The following OMA1 variants were observed in gnomAD, a reference collection of about 807,000 sequenced individuals.
OMA1 encodes metalloendopeptidase OMA1, mitochondrial.
A neutral mutation model predicts 30.9 loss-of-function variants in OMA1; 38 were observed. The observed-to-expected ratio is 1.23, with a 90% CI of 0.95 to 1.61. OMA1 has a LOEUF of 1.61. Among genes scored for constraint, OMA1 ranks in the 40% most tolerant of loss-of-function variants. The probability of loss-of-function intolerance (pLI) is 0.00; values close to 1 mark genes in which losing one functional copy is unlikely to be tolerated. For missense variants in OMA1, 461 were observed against 349.2 expected (o/e 1.32, Z -2.55); for synonymous variants, 173 against 121.9 (o/e 1.42, Z -2.76).
chr1:58,538,769 G>A (rs1646558061), intron 2 of OMA1, 26 bp downstream of exon 2: 1 of 727,392 alleles, frequency 1.4e-6, no homozygotes, highest in Non-Finnish European at 2.3e-6. Context: ...TAATATAAAA[G>A]TTTTTATTCT....
At chr1:58,487,504 C>T (rs1645595454) in intron 8 of OMA1, among the ~76,000 whole-genome samples, 1 of 152,134 alleles carries the variant, frequency 6.6e-6, no homozygotes, top group Non-Finnish European at 1.5e-5. Context: ...TAATAACATA[C>T]CTTTCTACAT....
chr1:58,530,046 A>G (rs1272587000), intron 6 of OMA1, among the ~76,000 whole-genome samples: 1 of 152,032 alleles, frequency 6.6e-6, no homozygotes, highest in Non-Finnish European at 1.5e-5. Flanking sequence ...ACGCCAGGCT[A>G]ATTTTTTTGT....
chr1:58,489,066 A>G (rs1645627800), intron 8 of OMA1, among the ~76,000 whole-genome samples: 1 of 152,220 alleles, frequency 6.6e-6, no homozygotes, highest in Non-Finnish European at 1.5e-5. Flanking sequence ...TACTGGGTGC[A>G]TCTCACTGGG....
At chr1:58,543,793 A>T (rs1473908258) in intron 1 of OMA1, among the ~76,000 whole-genome samples, 1 of 152,252 alleles carries the variant, frequency 6.6e-6, no homozygotes, top group Non-Finnish European at 1.5e-5. Context: ...TGTATAACAG[A>T]GGTGGCAAAC....
intron 5 of OMA1, among the ~76,000 whole-genome samples, chr1:58,532,480 T>C (rs1268682332): frequency 6.6e-6 from 1 of 152,246 alleles, no homozygotes; most frequent in Non-Finnish European, 1.5e-5. Flanking sequence ...ATAATAACAC[T>C]GCTTAGACGT....
intron 5 of OMA1, among the ~76,000 whole-genome samples, chr1:58,532,956 T>G (rs1370184408): frequency 6.6e-6 from 1 of 152,246 alleles, no homozygotes; most frequent in East Asian, 1.9e-4. Flanking sequence ...GAATTTGAGA[T>G]TACTCTTAGA....
chr1:58,524,906 G>A (rs776465956), intron 7 of OMA1, among the ~76,000 whole-genome samples: 2 of 152,214 alleles, frequency 1.3e-5, no homozygotes, highest in Non-Finnish European at 2.9e-5. Flanking sequence ...CTCACATGGA[G>A]ATGATTAGTG....
rs1587754 is a variant in OMA1, at chr1:58,511,276, C to T, written c.1216-5067G>A. Among the ~76,000 whole-genome samples the T allele has an allele frequency of 7.8e-3, 1,187 of 152,136 alleles. 21 individuals carry two copies. The highest frequency in any genetic ancestry group is 0.027 in the African/African-American group (1,135 of 41,506). On this transcript the variant is annotated intron_variant, in intron 7 of 8. Transcript: ENST00000371226. ...AGTATAGTATTAGCAGAAAGATAACCGTTAAATGAATGGAACAGAAGAGAG... is the reference window on the plus strand; with the variant it reads ...AGTATAGTATTAGCAGAAAGATAACTGTTAAATGAATGGAACAGAAGAGAG...
intron 7 of OMA1, 121 bp from the exon 8 acceptor site, chr1:58,506,330 A>G: frequency 1.7e-6 from 1 of 597,546 alleles, no homozygotes; most frequent in Non-Finnish European, 2.9e-6. Flanking sequence ...GTACATGTGC[A>G]CAACGTGCAG....
intron 1 of OMA1, among the ~76,000 whole-genome samples, chr1:58,541,329 A>C (rs1240108795): frequency 8.0e-5 from 11 of 137,048 alleles, no homozygotes; most frequent in East Asian, 6.2e-4. Flanking sequence ...AAAAAAAAAA[A>C]AAAACAGGAA....
intron 8 of OMA1, among the ~76,000 whole-genome samples, chr1:58,501,411 T>G (rs537987206): frequency 1.2e-4 from 18 of 152,296 alleles, no homozygotes; most frequent in African/African-American, 4.1e-4. Context: ...TAAGTGACCT[T>G]GTCACTCCTC....
In OMA1 at chr1:58,527,329, A is replaced by C. The variant is rs771437585; in HGVS notation, c.1147T>G (p.Phe383Val). The change falls in exon 7 of 9, where the codon TTT (phenylalanine) becomes GTT (valine). Residue 383 changes from phenylalanine (F) to valine (V), a missense_variant. Physicochemically the swap from Phe to Val is conservative, Grantham distance 50. Coordinates refer to ENST00000371226, the MANE Select transcript of OMA1 (RefSeq NM_145243.5). Reference sequence around the variant, plus strand: ...AATTTTCTGCTGTATGGTCTATTAAACATATACTAAGAAGAAATGACAGAA... The same window carrying C: ...AATTTTCTGCTGTATGGTCTATTAACCATATACTAAGAAGAAATGACAGAA... ...WIQSKLQEYMFNRPYSRKLEA... is the reference protein window; with the variant it reads ...WIQSKLQEYMVNRPYSRKLEA... 32 of 871,930 alleles carry C rather than the reference A, an allele frequency of 3.7e-5. No homozygotes were observed. The highest frequency in any genetic ancestry group is 8.5e-5 in the Admixed American group (5 of 59,156). The allele number at this position is 871,930 out of a possible 1,614,324, so 54.0% of individuals were successfully genotyped here.
chr1:58,490,795 C>CTTT (rs148145860), intron 8 of OMA1, among the ~76,000 whole-genome samples: 770 of 59,280 alleles, frequency 0.013, 113 homozygotes, highest in African/African-American at 0.015. Context: ...AGTCAACATT[C>CTTT]TTTTTTTTTT....
intron 8 of OMA1, among the ~76,000 whole-genome samples, chr1:58,485,813 TAAC>T (rs995276099): frequency 6.6e-6 from 1 of 152,186 alleles, no homozygotes; most frequent in African/African-American, 2.4e-5. Flanking sequence ...AACAGGCACT[TAAC>T]AAACGCATGC....
chr1:58,496,428 CTTCTATGT>C (rs1229882052), intron 8 of OMA1, among the ~76,000 whole-genome samples: 1 of 152,182 alleles, frequency 6.6e-6, no homozygotes, highest in Non-Finnish European at 1.5e-5. Context: ...GGTGGCACTG[CTTCTATGT>C]TCTTGCCGCC....
chr1:58,506,629 A>T (rs2100417975), intron 7 of OMA1, among the ~76,000 whole-genome samples: 1 of 152,344 alleles, frequency 6.6e-6, no homozygotes, highest in East Asian at 1.9e-4. Context: ...GATGGATATT[A>T]AGAACATGTA....
At chr1:58,494,973 T>C (rs1233298336) in intron 8 of OMA1, among the ~76,000 whole-genome samples, 2 of 152,214 alleles carry the variant, frequency 1.3e-5, no homozygotes, top group Non-Finnish European at 2.9e-5. Flanking sequence ...TGCACACGTA[T>C]GTTTATTGCA....
chr1:58,490,931 G>A (rs1485040863), intron 8 of OMA1, among the ~76,000 whole-genome samples: 4 of 143,186 alleles, frequency 2.8e-5, no homozygotes, highest in African/African-American at 7.7e-5. Flanking sequence ...TCAGCCTTCC[G>A]AGTAGCTGGG....
intron 8 of OMA1, among the ~76,000 whole-genome samples, chr1:58,484,264 C>T (rs757340392): frequency 4.6e-5 from 7 of 152,154 alleles, no homozygotes; most frequent in Non-Finnish European, 5.9e-5. Context: ...AATTACCCTG[C>T]TATAAAAACT....
Sources: gnomAD v4.1 joint callset for allele counts (sites outside exome capture counted in the v4.1 genomes callset) on GRCh38, gnomAD v4.1.1 for gene constraint, MANE v1.5 for transcripts, NCBI Gene and HGNC (gene_info 2026-07-23, HGNC 2026-07-21) for gene names.